EED: variants seen among roughly 807,000 people sequenced by gnomAD.
The protein encoded by EED is polycomb protein EED.
A neutral mutation model predicts 61.0 loss-of-function variants in EED; 9 were observed. The ratio of observed to expected loss-of-function variants is 0.15; its 90% CI spans 0.09 to 0.26. The LOEUF (loss-of-function observed/expected upper bound fraction) is 0.26, where lower values mean the gene tolerates loss of function less well. Among genes scored for constraint, EED ranks in the 10% least tolerant of loss-of-function variants. EED has a pLI of 1.00. For synonymous variants in EED, 187 were observed against 174.4 expected, an observed-to-expected ratio of 1.07 and a Z score of -0.57; for missense variants, 315 against 542.3, an observed-to-expected ratio of 0.58 and a Z score of 4.16.
At chr11:86,287,393 C>T in the EED span, among the ~76,000 whole-genome samples, 4 of 152,188 alleles carry the variant, frequency 2.6e-5, no homozygotes, top group Non-Finnish European at 4.4e-5. Context: ...TGGAATTGAG[C>T]TGGTGGATTT....
At chr11:86,254,024 G>A (rs1320929250) in intron 3 of EED, among the ~76,000 whole-genome samples, 1 of 109,712 alleles carries the variant, frequency 9.1e-6, no homozygotes, top group Non-Finnish European at 1.8e-5. Context: ...CTCCAGTCTG[G>A]ACGACAAGAG....
intron 9 of EED, among the ~76,000 whole-genome samples, chr11:86,273,887 C>T (rs1232613722): frequency 6.6e-6 from 1 of 152,066 alleles, no homozygotes; most frequent in Non-Finnish European, 1.5e-5. Context: ...GGTTTGAGTG[C>T]GATATGACTT....
chr11:86,277,081 T>C lies in EED; in HGVS notation c.1068T>C (p.Phe356=). Residue 356 remains phenylalanine (F), a synonymous_variant, in exon 10 of 12, where the codon TTT becomes TTC. Coordinates refer to ENST00000263360, the MANE Select transcript of EED (RefSeq NM_003797.5). ...CTAATGTGACTATTCTTGGGCGATT[T>C]GATTACAGCCAGTGTGACATTTGGT... ...SESNVTILGR[F]DYSQCDIWYM... is the part of the protein sequence containing the mutation. 1 of 1,596,794 alleles carries C rather than the reference T, an allele frequency of 6.3e-7. No homozygotes were observed. The highest frequency in any genetic ancestry group is 8.6e-7 in the Non-Finnish European group (1 of 1,168,404).
At position 86,256,503 on chromosome 11, in the gene EED, G is replaced by A; in HGVS notation, c.543G>A (p.Gln181=). ...IIRIINPITM[Q]CIKHYVGHGN... ...GGATAATAAATCCTATAACAATGCA[G>A]TGTATAAAGGTGGGTTTTTCTGGTT... Residue 181 remains glutamine (Q), a synonymous_variant, in exon 5 of 12, where the codon CAG becomes CAA. Coordinates refer to ENST00000263360, the MANE Select transcript of EED (RefSeq NM_003797.5). 2 of 1,567,808 alleles carry A rather than the reference G, an allele frequency of 1.3e-6. No homozygotes were observed. The highest frequency in any genetic ancestry group is 2.3e-5 in the East Asian group (1 of 44,198).
At position 86,248,707 on chromosome 11, in the gene EED, A is replaced by G. The variant is rs78216541; in HGVS notation, c.115-1589A>G. Among the ~76,000 whole-genome samples, 905 of 152,266 alleles carry G rather than the reference A, an allele frequency of 5.9e-3. 1 individual carries two copies. The highest frequency in any genetic ancestry group is 8.9e-3 in the Non-Finnish European group (606 of 68,020). The stretch of plus-strand genomic sequence containing the variant: ...CTGTAGAGACAAAATTTACATGTCT[A>G]TCAGTTATTCATAATGAAAAAAGAG... On this transcript the variant is annotated intron_variant, in intron 1 of 11. Transcript: ENST00000263360.
At chr11:86,273,499 G>A (rs1198222149) in intron 9 of EED, among the ~76,000 whole-genome samples, 1 of 152,134 alleles carries the variant, frequency 6.6e-6, no homozygotes. Flanking sequence ...ATTTTCTGTT[G>A]TTCTTCCTTA....
At chr11:86,273,261 G>C (rs1946157852) in intron 9 of EED, among the ~76,000 whole-genome samples, 1 of 152,242 alleles carries the variant, frequency 6.6e-6, no homozygotes, top group Non-Finnish European at 1.5e-5. Context: ...GGCCTCAGGT[G>C]ATTCCCCTGC....
At chr11:86,275,785 G>T (rs1183378647) in intron 9 of EED, among the ~76,000 whole-genome samples, 1 of 152,160 alleles carries the variant, frequency 6.6e-6, no homozygotes, top group Non-Finnish European at 1.5e-5. Context: ...TTTGCATTTA[G>T]CCAAGAGTCA....
chr11:86,256,980 G>T (rs972732129), intron 5 of EED, among the ~76,000 whole-genome samples: 2 of 151,932 alleles, frequency 1.3e-5, no homozygotes, highest in African/African-American at 4.8e-5. Context: ...AAAACCCTAC[G>T]CATATTGGAG....
rs1199188344 is a variant in EED, at chr11:86,274,578, G to C, written c.967-2402G>C. 2.0e-5 allele frequency among the ~76,000 whole-genome samples: 3 copies of C among 152,178 alleles called. No individual in the cohort carries two copies. The East Asian group carries it at 5.8e-4, about 29-fold the overall frequency. On this transcript the variant is annotated intron_variant, in intron 9 of 11. Transcript: ENST00000263360. ...GGTGGAAGTCTGGGTTCCCCACTCG[G>C]TTGACCTTGTGTTGGTGCTTCATTA...
chr11:86,274,525 G>A (rs1946186141), intron 9 of EED, among the ~76,000 whole-genome samples: 1 of 152,114 alleles, frequency 6.6e-6, no homozygotes, highest in Non-Finnish European at 1.5e-5. Flanking sequence ...GCTGGGGAAG[G>A]GAGGCGCATT....
At chr11:86,264,141 C>T in intron 6 of EED, 31 bp from the exon 7 acceptor site, 2 of 1,544,544 alleles carry the variant, frequency 1.3e-6, no homozygotes, top group African/African-American at 1.4e-5. Flanking sequence ...AAATAAAAAA[C>T]ATTCGCCTAA....
chr11:86,272,308 T>G (rs891207691), intron 9 of EED, among the ~76,000 whole-genome samples: 3 of 151,634 alleles, frequency 2.0e-5, no homozygotes, highest in African/African-American at 4.9e-5. Flanking sequence ...TCCACCTGCT[T>G]CGGCCTCCCG....
intron 2 of EED, 52 bp downstream of exon 2, chr11:86,250,500 T>A: frequency 6.9e-7 from 1 of 1,456,310 alleles, no homozygotes; most frequent in Non-Finnish European, 9.1e-7. Flanking sequence ...CAGAAATTAT[T>A]TCTCTGTGGC....
At chr11:86,267,327 A>G (rs1946004075) in intron 8 of EED, among the ~76,000 whole-genome samples, 2 of 152,230 alleles carry the variant, frequency 1.3e-5, no homozygotes, top group Admixed American at 6.5e-5. Flanking sequence ...GAGTTGCTCC[A>G]ATCCAAAGTG....
the EED span, among the ~76,000 whole-genome samples, chr11:86,286,080 G>T: frequency 6.6e-6 from 1 of 152,054 alleles, no homozygotes; most frequent in Non-Finnish European, 1.5e-5. Flanking sequence ...GCCCAGGCTG[G>T]AATGCAGTGG....
At chr11:86,266,247 T>C (rs767351539) in intron 8 of EED, 31 bp downstream of exon 8, 1 of 1,553,362 alleles carries the variant, frequency 6.4e-7, no homozygotes, top group East Asian at 2.3e-5. Flanking sequence ...AACAATTTGC[T>C]ATGTTGTGCT....
downstream of EED, among the ~76,000 whole-genome samples, chr11:86,281,559 C>G (rs1195621888): frequency 6.6e-6 from 1 of 152,142 alleles, no homozygotes; most frequent in South Asian, 2.1e-4. Flanking sequence ...GCATTTAATG[C>G]TATAAACTTC....
downstream of EED, among the ~76,000 whole-genome samples, chr11:86,281,678 T>C (rs1218680356): frequency 3.3e-4 from 50 of 152,318 alleles, no homozygotes; most frequent in Non-Finnish European, 5.9e-5. Flanking sequence ...TCTTGCTATG[T>C]TGTTCAGGCT....
Sources: gnomAD v4.1 joint callset for allele counts (sites outside exome capture counted in the v4.1 genomes callset) on GRCh38, gnomAD v4.1.1 for gene constraint, MANE v1.5 for transcripts, NCBI Gene and HGNC (gene_info 2026-07-23, HGNC 2026-07-21) for gene names.